Variants in THEM4 observed in about 807,000 individuals in gnomAD.
The protein encoded by THEM4 is acyl-coenzyme A thioesterase THEM4.
A neutral mutation model predicts 25.0 loss-of-function variants in THEM4; 22 were observed. The observed-to-expected ratio is 0.88, with a 90% CI of 0.63 to 1.26. THEM4 has a LOEUF of 1.26. THEM4 is among the 50% of genes most tolerant of loss of function. THEM4 has a pLI of 0.00. For synonymous variants in THEM4, 113 were observed against 105.6 expected, an observed-to-expected ratio of 1.07 and a Z score of -0.43; for missense variants, 286 against 300.3, an observed-to-expected ratio of 0.95 and a Z score of 0.35.
chr1:151,882,238 T>C (rs965091101), intron 4 of THEM4, among the ~76,000 whole-genome samples: 8 of 152,072 alleles, frequency 5.3e-5, no homozygotes, highest in Non-Finnish European at 1.0e-4. Flanking sequence ...TAGCCGGGCA[T>C]GGTGGCATGT....
intron 4 of THEM4, 101 bp from the exon 5 acceptor site, chr1:151,877,226 C>A: frequency 7.9e-7 from 1 of 1,264,066 alleles, no homozygotes; most frequent in Non-Finnish European, 1.1e-6. Flanking sequence ...ATTTATGACA[C>A]CTGACAACAA....
rs1653619579 is a variant in THEM4, at chr1:151,874,247, T to C, written c.*641A>G. On this transcript the variant is annotated 3_prime_UTR_variant, in exon 6 of 6. Transcript: ENST00000368814. ...GCACATGCCTGTGTGTTTCCCACCA[T>C]GTATTTATTCTTCATGCTTGGTTTT... 1 of 152,408 alleles carries C rather than the reference T, an allele frequency of 6.6e-6. No individual in the cohort carries two copies. Among genetic ancestry groups the C allele is most frequent in the African/African-American group, 2.4e-5 (1 of 41,462 alleles). 9.4% of individuals were successfully genotyped at this position (152,408 alleles called of 1,614,324 possible). A position where few individuals can be genotyped will look rare whatever the true frequency, so the allele number is the denominator to read the frequency against.
chr1:151,898,066 T>C (rs1654265345), intron 1 of THEM4, among the ~76,000 whole-genome samples: 1 of 152,052 alleles, frequency 6.6e-6, no homozygotes, highest in African/African-American at 2.4e-5. Context: ...TTTGTAACAG[T>C]TTGAACTGGG....
intron 2 of THEM4, chr1:151,889,679 G>C (rs1236790454): frequency 4.6e-6 from 1 of 217,926 alleles, no homozygotes; most frequent in Admixed American, 5.4e-5. Context: ...AAATGGTACG[G>C]TAAAGACGGA....
intron 2 of THEM4, 40 bp from the exon 3 acceptor site, chr1:151,889,413 T>C: frequency 6.3e-7 from 1 of 1,598,770 alleles, no homozygotes; most frequent in Non-Finnish European, 8.5e-7. Context: ...GAAACAAGGG[T>C]GAGAGAAATG....
chr1:151,900,823 C>T (rs1221529102), intron 1 of THEM4, among the ~76,000 whole-genome samples: 3 of 152,222 alleles, frequency 2.0e-5, no homozygotes, highest in Non-Finnish European at 4.4e-5. Context: ...TAAACAAAAT[C>T]TCTGCAGCAC....
rs779437914 is a variant in THEM4, at chr1:151,872,417, C to A, written c.*2471G>T. 5.8e-4 allele frequency among the ~76,000 whole-genome samples: 88 copies of A among 152,144 alleles called. No homozygotes were observed. The highest frequency in any genetic ancestry group is 3.9e-4 in the Admixed American group (6 of 15,276). On this transcript the variant is annotated 3_prime_UTR_variant, in exon 6 of 6. Coordinates refer to ENST00000368814, the MANE Select transcript of THEM4 (RefSeq NM_053055.5). Reference sequence around the variant, plus strand: ...ATTTCATATGGTTCAGCTTAAATTTCTAATATGGGGAAAGAAAGGAAAGAA... The same window carrying A: ...ATTTCATATGGTTCAGCTTAAATTTATAATATGGGGAAAGAAAGGAAAGAA...
chr1:151,901,347 T>TTG (rs2101730456), intron 1 of THEM4, among the ~76,000 whole-genome samples: 1 of 152,294 alleles, frequency 6.6e-6, no homozygotes, highest in East Asian at 1.9e-4. Flanking sequence ...CAAATGGACT[T>TTG]AACAGATACA....
At chr1:151,894,854 T>C in intron 2 of THEM4, 154 bp downstream of exon 2, 1 of 852,038 alleles carries the variant, frequency 1.2e-6, no homozygotes, top group Non-Finnish European at 1.9e-6. Flanking sequence ...TCTGCAAAAT[T>C]TATTGTGATT....
intron 1 of THEM4, among the ~76,000 whole-genome samples, chr1:151,907,613 G>A (rs568044212): frequency 5.0e-4 from 76 of 152,288 alleles, no homozygotes; most frequent in Non-Finnish European, 8.7e-4. Context: ...AAGTTCTCCT[G>A]TCTCACCCCA....
At chr1:151,889,885 G>C in intron 2 of THEM4, 1 of 153,224 alleles carries the variant, frequency 6.5e-6, no homozygotes, top group Non-Finnish European at 1.4e-5. Context: ...AAATCAGATT[G>C]TGGGTTGTAA....
At chr1:151,875,341 C>A (rs1044695923) in intron 5 of THEM4, among the ~76,000 whole-genome samples, 2 of 151,998 alleles carry the variant, frequency 1.3e-5, no homozygotes, top group Admixed American at 1.3e-4. Context: ...ATCATTCCTG[C>A]AAATGCTTCA....
intron 5 of THEM4, among the ~76,000 whole-genome samples, chr1:151,876,609 C>T (rs544186930): frequency 3.3e-5 from 5 of 151,762 alleles, no homozygotes; most frequent in South Asian, 2.1e-4. Flanking sequence ...TACCATGCCC[C>T]GCTAATTTTT....
rs921188478 is a variant in THEM4, at chr1:151,872,952, A to G, written c.*1936T>C. ...GGGTCTGTGCTGAGGGGGATTAGTA[A>G]AAGAGGAAGGCCTCTTGTGGTTGAG... is the stretch of plus-strand genomic sequence containing the variant. On this transcript the variant is annotated 3_prime_UTR_variant, in exon 6 of 6. Coordinates refer to ENST00000368814, the MANE Select transcript of THEM4 (RefSeq NM_053055.5). Among the ~76,000 whole-genome samples, 3 of 152,048 alleles carry G rather than the reference A, an allele frequency of 2.0e-5. No homozygotes were observed. The highest frequency in any genetic ancestry group is 4.4e-5 in the Non-Finnish European group (3 of 68,002).
chr1:151,890,497 T>C (rs1332343998), intron 2 of THEM4: 2 of 168,416 alleles, frequency 1.2e-5, no homozygotes, highest in Non-Finnish European at 2.6e-5. Flanking sequence ...TTTATTTCTA[T>C]TGAATTTATA....
intron 4 of THEM4, among the ~76,000 whole-genome samples, chr1:151,879,844 G>C (rs1653773167): frequency 6.6e-6 from 1 of 151,596 alleles, no homozygotes; most frequent in Non-Finnish European, 1.5e-5. Flanking sequence ...TTTTAGTAGA[G>C]ATGGGGTTTC....
chr1:151,898,326 T>C (rs1654270133), intron 1 of THEM4, among the ~76,000 whole-genome samples: 2 of 152,016 alleles, frequency 1.3e-5, no homozygotes, highest in African/African-American at 2.4e-5. Context: ...TTCCCCAACT[T>C]CCCTGACAAC....
Position 151,871,001 on chromosome 1 carries a change from TATTC to T in THEM4, c.*3883_*3886del, listed in dbSNP as rs1455218271. 1.3e-5 allele frequency among the ~76,000 whole-genome samples: 2 copies of T among 152,162 alleles called. No individual in the cohort carries two copies. The highest frequency in any genetic ancestry group is 4.8e-5 in the African/African-American group (2 of 41,442). On this transcript the variant is annotated 3_prime_UTR_variant, in exon 6 of 6. Transcript: ENST00000368814. ...AGCACTAACCAGCATCAATTCCTAA[TATTC>T]ATTCAAAATGTTAGCACTTGGTATA...
At chr1:151,875,565 C>T (rs1341172256) in intron 5 of THEM4, among the ~76,000 whole-genome samples, 1 of 151,786 alleles carries the variant, frequency 6.6e-6, no homozygotes, top group African/African-American at 2.4e-5. Context: ...ATATAAAGAA[C>T]ATCTATAAAT....
Sources: gnomAD v4.1 joint callset for allele counts (sites outside exome capture counted in the v4.1 genomes callset) on GRCh38, gnomAD v4.1.1 for gene constraint, MANE v1.5 for transcripts, NCBI Gene and HGNC (gene_info 2026-07-23, HGNC 2026-07-21) for gene names.